MGRN1: variants seen among roughly 807,000 people sequenced by gnomAD.
MGRN1 encodes mahogunin ring finger 1.
A neutral mutation model predicts 69.2 loss-of-function variants in MGRN1; 29 were observed. The ratio of observed to expected loss-of-function variants is 0.42; its 90% CI spans 0.31 to 0.57. MGRN1 has a LOEUF of 0.57. MGRN1 is among the 20% of genes least tolerant of loss of function. The probability of loss-of-function intolerance (pLI) is 0.15; values close to 1 mark genes in which losing one functional copy is unlikely to be tolerated. For synonymous variants in MGRN1, 470 were observed against 344.2 expected, an observed-to-expected ratio of 1.37 and a Z score of -4.04; for missense variants, 998 against 796.2, an observed-to-expected ratio of 1.25 and a Z score of -3.05.
chr16:4,643,794 A>G (rs1281759263), intron 1 of MGRN1, among the ~76,000 whole-genome samples: 1 of 152,208 alleles, frequency 6.6e-6, no homozygotes, highest in Non-Finnish European at 1.5e-5. Context: ...GGCCATTACT[A>G]ATACCCAATT....
chr16:4,666,792 G>A (rs962123916), intron 7 of MGRN1, among the ~76,000 whole-genome samples: 3 of 152,204 alleles, frequency 2.0e-5, no homozygotes, highest in Admixed American at 6.5e-5. Context: ...ACAAACATCT[G>A]TTGTTCCCAC....
chr16:4,651,942 G>A (rs755001182), intron 2 of MGRN1, 21 bp from the exon 3 acceptor site: 1 of 1,612,206 alleles, frequency 6.2e-7, no homozygotes, highest in Middle Eastern at 1.7e-4. Context: ...GTCACCTGGG[G>A]CCCTGTGGTT....
intron 16 of MGRN1, among the ~76,000 whole-genome samples, chr16:4,685,888 C>A (rs750625518): frequency 6.6e-6 from 1 of 152,178 alleles, no homozygotes; most frequent in Non-Finnish European, 1.5e-5. Flanking sequence ...ATGGTGAACA[C>A]TGGGGGCCCT....
At chr16:4,648,187 A>G (rs2078314221) in intron 1 of MGRN1, among the ~76,000 whole-genome samples, 2 of 152,116 alleles carry the variant, frequency 1.3e-5, no homozygotes, top group Non-Finnish European at 2.9e-5. Flanking sequence ...TATTCTGAGC[A>G]TCCTTGAAAT....
chr16:4,662,464 C>T (rs2078704891), intron 5 of MGRN1, among the ~76,000 whole-genome samples: 1 of 151,226 alleles, frequency 6.6e-6, no homozygotes, highest in African/African-American at 2.4e-5. Context: ...TGCAGCGAGC[C>T]GACATCCTGC....
At chr16:4,652,559 G>A in intron 3 of MGRN1, 119 bp from the exon 4 acceptor site, 1 of 1,307,528 alleles carries the variant, frequency 7.6e-7, no homozygotes, top group East Asian at 2.6e-5. Context: ...TATGTCTACT[G>A]GAGAAGCGGG....
intron 8 of MGRN1, among the ~76,000 whole-genome samples, chr16:4,671,060 T>C (rs2078926660): frequency 6.6e-6 from 1 of 152,166 alleles, no homozygotes; most frequent in African/African-American, 2.4e-5. Flanking sequence ...AGGCGTCAGC[T>C]CCTGCTTTCC....
rs548312861 is a variant in MGRN1, at chr16:4,684,544, G to A, written c.1618+612G>A. Among the ~76,000 whole-genome samples the A allele has an allele frequency of 6.6e-5, 10 of 152,384 alleles. No homozygotes were observed. The East Asian group carries it at 1.9e-3, about 29-fold the overall frequency. On this transcript the variant is annotated intron_variant, in intron 16 of 16. Transcript: ENST00000262370. ...ACATCCCAGGCCAGGCACAGAGGAC[G>A]GCGGGGGCGCCAGGCGCCAGCGGGG...
intron 14 of MGRN1, 29 bp downstream of exon 14, chr16:4,682,975 A>C (rs1377490254): frequency 7.3e-6 from 11 of 1,512,946 alleles, no homozygotes; most frequent in Non-Finnish European, 7.1e-6. Flanking sequence ...AGCTTTGCGC[A>C]CCCGCCCGGG....
At position 4,677,724 on chromosome 16, in the gene MGRN1, G is replaced by A. The variant is rs1266743316; in HGVS notation, c.1065+152G>A. On this transcript the variant is annotated intron_variant, in intron 11 of 16. Transcript: ENST00000262370. ...CCATGGATGGCTGTGAGGCATGAAG[G>A]GGGTGGCCAGGCTGGGCCCTGGGGT... 3.8e-5 allele frequency: 28 copies of A among 733,572 alleles called. No homozygotes were observed. The East Asian group carries it at 7.5e-4, about 20-fold the overall frequency. The allele number at this position is 733,572 out of a possible 1,614,324, so 45.4% of individuals were successfully genotyped here.
intron 10 of MGRN1, among the ~76,000 whole-genome samples, chr16:4,674,277 C>G (rs887744163): frequency 6.6e-6 from 1 of 151,882 alleles, no homozygotes; most frequent in Non-Finnish European, 1.5e-5. Context: ...AGCCACCATG[C>G]CTGGCTATTT....
At chr16:4,670,281 C>T (rs191010238) in intron 8 of MGRN1, among the ~76,000 whole-genome samples, 8 of 152,122 alleles carry the variant, frequency 5.3e-5, no homozygotes, top group Admixed American at 2.6e-4. Flanking sequence ...CTCACTCTGT[C>T]GCCGAGGCTG....
At chr16:4,687,406 G>A (rs887548233) in intron 16 of MGRN1, 29 of 893,210 alleles carry the variant, frequency 3.2e-5, no homozygotes, top group Admixed American at 2.5e-4. Context: ...TGGCTTGGGC[G>A]TGGTAGCTTG....
intron 4 of MGRN1, among the ~76,000 whole-genome samples, chr16:4,655,722 G>C (rs1273253550): frequency 2.0e-5 from 3 of 152,178 alleles, no homozygotes; most frequent in Non-Finnish European, 2.9e-5. Context: ...AAAAGGACCT[G>C]GAGGCTCCAG....
At chr16:4,650,226 C>G (rs2078371455) in intron 1 of MGRN1, 139 bp from the exon 2 acceptor site, 1 of 606,302 alleles carries the variant, frequency 1.6e-6, no homozygotes, top group African/African-American at 1.9e-5. Flanking sequence ...TCGCTTGAAC[C>G]CGGTGGGCGG....
At chr16:4,659,687 C>T (rs2078632422) in intron 5 of MGRN1, among the ~76,000 whole-genome samples, 1 of 152,276 alleles carries the variant, frequency 6.6e-6, no homozygotes, top group African/African-American at 2.4e-5. Flanking sequence ...ACATAAGGGG[C>T]AGCTGCTGCT....
intron 1 of MGRN1, among the ~76,000 whole-genome samples, chr16:4,644,112 G>C: frequency 6.6e-6 from 1 of 151,702 alleles, no homozygotes; most frequent in South Asian, 2.1e-4. Context: ...TGAGTAGTTG[G>C]GATTACAGGC....
intron 3 of MGRN1, 122 bp downstream of exon 3, chr16:4,652,173 G>T: frequency 3.4e-6 from 3 of 873,862 alleles, no homozygotes; most frequent in East Asian, 5.3e-5. Context: ...GCGCCCTCCC[G>T]TGTGGAATGA....
At chr16:4,646,135 G>C (rs1005702026) in intron 1 of MGRN1, among the ~76,000 whole-genome samples, 2 of 152,036 alleles carry the variant, frequency 1.3e-5, no homozygotes, top group African/African-American at 4.8e-5. Context: ...CATCACTCGT[G>C]AGTCCTCACT....
Sources: gnomAD v4.1 joint callset for allele counts (sites outside exome capture counted in the v4.1 genomes callset) on GRCh38, gnomAD v4.1.1 for gene constraint, MANE v1.5 for transcripts, NCBI Gene and HGNC (gene_info 2026-07-23, HGNC 2026-07-21) for gene names.